Variants in ZC3H18 observed in about 807,000 individuals in gnomAD.
The protein encoded by ZC3H18 is zinc finger CCCH domain-containing protein 18.
ZC3H18 carries 8 observed loss-of-function variants against 106.1 expected under a neutral mutation model. The ratio of observed to expected loss-of-function variants is 0.08; its 90% CI spans 0.04 to 0.14. The LOEUF (loss-of-function observed/expected upper bound fraction) is 0.14. Ranked by LOEUF, ZC3H18 falls within the 10% of genes least tolerant of loss-of-function variation. The pLI, the probability that ZC3H18 is intolerant of heterozygous loss-of-function variation, is 1.00. For synonymous variants in ZC3H18, 635 were observed against 522.1 expected (o/e 1.22, Z -2.95); for missense variants, 1,318 against 1,278.4 (o/e 1.03, Z -0.47).
intron 1 of ZC3H18, among the ~76,000 whole-genome samples, chr16:88,574,598 G>T (rs916802898): frequency 6.6e-6 from 1 of 150,590 alleles, no homozygotes; most frequent in Non-Finnish European, 1.5e-5. Flanking sequence ...AACCTCCTAG[G>T]ATCAGGTGAT....
chr16:88,590,564 CT>C (rs57632461), intron 3 of ZC3H18, among the ~76,000 whole-genome samples: 28 of 100,650 alleles, frequency 2.8e-4, no homozygotes, highest in East Asian at 1.9e-3. Context: ...TTCTTTATTT[CT>C]TTTTTTTTTT....
intron 6 of ZC3H18, among the ~76,000 whole-genome samples, chr16:88,605,793 C>T (rs1297469479): frequency 2.0e-5 from 3 of 152,220 alleles, no homozygotes; most frequent in Admixed American, 2.0e-4. Context: ...TCTAATTGCT[C>T]GACTTTTCAC....
intron 8 of ZC3H18, among the ~76,000 whole-genome samples, chr16:88,614,293 G>T (rs1366790736): frequency 6.6e-6 from 1 of 152,256 alleles, no homozygotes; most frequent in Non-Finnish European, 1.5e-5. Flanking sequence ...GCAGCCATCA[G>T]GACCTGCGAC....
intron 1 of ZC3H18, among the ~76,000 whole-genome samples, chr16:88,572,349 G>T (rs953126760): frequency 2.6e-5 from 4 of 152,190 alleles, no homozygotes; most frequent in Admixed American, 2.6e-4. Flanking sequence ...TGTTGCCCAG[G>T]CTGGAGTGCA....
At chr16:88,582,219 C>CTTT (rs71391393) in intron 2 of ZC3H18, among the ~76,000 whole-genome samples, 23,769 of 76,824 alleles carry the variant, frequency 0.31, 4,943 homozygotes, top group East Asian at 0.42. Context: ...TTTTTCTTTT[C>CTTT]TTTTTTTTTT....
chr16:88,612,029 G>A (rs750730395), intron 8 of ZC3H18, among the ~76,000 whole-genome samples: 5 of 152,112 alleles, frequency 3.3e-5, no homozygotes, highest in South Asian at 2.1e-4. Flanking sequence ...GGGGAGGGCC[G>A]GGCGGGCTGC....
chr16:88,574,886 A>G (rs1206849145), intron 1 of ZC3H18, among the ~76,000 whole-genome samples: 2 of 147,836 alleles, frequency 1.4e-5, no homozygotes, highest in East Asian at 2.0e-4. Flanking sequence ...CTGGAGTGCA[A>G]TGGCGCGATC....
chr16:88,599,876 G>A lies in ZC3H18; in HGVS notation c.1016G>A (p.Arg339Gln), dbSNP rs758531569. The stretch of plus-strand genomic sequence containing the variant: ...ACGGTGACCATTGGCGAAGACGAAC[G>A]GGAATTTGACAAAGAAAATGAAGTT... The part of the protein sequence containing the change: ...RFTVTIGEDE[R>Q]EFDKENEVFR... Residue 339 changes from arginine to glutamine, a missense_variant, in exon 6 of 18, where the codon CGG (arginine) becomes CAG (glutamine). Physicochemically the swap from Arg to Gln is conservative, Grantham distance 43. Around this residue, in one of 6 missense-constraint regions of ZC3H18, gnomAD observed 848 missense variants for 821.7 expected, o/e 1.03. Transcript: ENST00000301011. 40 of 1,614,120 alleles carry A rather than the reference G, an allele frequency of 2.5e-5. No individual in the cohort carries two copies. Among genetic ancestry groups the A allele is most frequent in the Admixed American group, 6.7e-5 (4 of 60,008 alleles).
chr16:88,619,442 G>C (rs1380602457), intron 8 of ZC3H18, among the ~76,000 whole-genome samples: 1 of 152,158 alleles, frequency 6.6e-6, no homozygotes, highest in African/African-American at 2.4e-5. Context: ...AGCGGAGGGC[G>C]CGCTGTGCAG....
intron 6 of ZC3H18, among the ~76,000 whole-genome samples, chr16:88,605,180 G>A (rs1445784802): frequency 6.6e-6 from 1 of 152,232 alleles, no homozygotes; most frequent in Non-Finnish European, 1.5e-5. Flanking sequence ...CTGTGGGGAA[G>A]CCCCCTGAGT....
intron 6 of ZC3H18, among the ~76,000 whole-genome samples, chr16:88,607,188 C>G (rs976438004): frequency 1.3e-5 from 2 of 152,210 alleles, no homozygotes; most frequent in African/African-American, 4.8e-5. Context: ...TGCCACCTCT[C>G]TGGGCGTGCC....
At chr16:88,596,084 G>T (rs1199549071) in intron 3 of ZC3H18, among the ~76,000 whole-genome samples, 1 of 152,108 alleles carries the variant, frequency 6.6e-6, no homozygotes, top group Non-Finnish European at 1.5e-5. Context: ...AGCACCCCCG[G>T]GCAGGTGGCT....
intron 1 of ZC3H18, among the ~76,000 whole-genome samples, chr16:88,575,234 G>A (rs1597316147): frequency 6.6e-6 from 1 of 152,004 alleles, no homozygotes; most frequent in South Asian, 2.1e-4. Flanking sequence ...TAAACAGGTT[G>A]TATTAAAAGT....
At chr16:88,606,664 A>G (rs1905024684) in intron 6 of ZC3H18, among the ~76,000 whole-genome samples, 1 of 152,178 alleles carries the variant, frequency 6.6e-6, no homozygotes, top group South Asian at 2.1e-4. Context: ...CGTGCTGTCC[A>G]GGCTTCCTCT....
chr16:88,611,840 G>A (rs1044159558), intron 8 of ZC3H18, among the ~76,000 whole-genome samples: 1 of 152,212 alleles, frequency 6.6e-6, no homozygotes, highest in African/African-American at 2.4e-5. Flanking sequence ...GTTTTAATAG[G>A]CGCTGCCCTT....
chr16:88,603,202 G>A (rs1011791288), intron 6 of ZC3H18, among the ~76,000 whole-genome samples: 3 of 151,950 alleles, frequency 2.0e-5, no homozygotes, highest in Non-Finnish European at 1.5e-5. Flanking sequence ...TCTTGACCTC[G>A]TGATCTGCCT....
At chr16:88,614,585 A>G (rs1460502667) in intron 8 of ZC3H18, among the ~76,000 whole-genome samples, 1 of 152,238 alleles carries the variant, frequency 6.6e-6, no homozygotes, top group African/African-American at 2.4e-5. Flanking sequence ...TGTATTTGTC[A>G]TACTTTCCTA....
chr16:88,573,871 C>T (rs189707360), intron 1 of ZC3H18, among the ~76,000 whole-genome samples: 1 of 151,906 alleles, frequency 6.6e-6, no homozygotes, highest in African/African-American at 2.4e-5. Flanking sequence ...TATTGCTAAC[C>T]ATTTAGGTTT....
chr16:88,587,100 C>T (rs1420276176), intron 3 of ZC3H18, among the ~76,000 whole-genome samples: 1 of 152,194 alleles, frequency 6.6e-6, no homozygotes, highest in African/African-American at 2.4e-5. Flanking sequence ...CAAGATGTGT[C>T]CGAAGCGTTT....
Sources: allele counts gnomAD v4.1 joint callset (sites outside exome capture counted in the v4.1 genomes callset), GRCh38; gene constraint gnomAD v4.1.1; regional missense constraint gnomAD v4.1.1; transcripts MANE v1.5; gene names NCBI Gene and HGNC (gene_info 2026-07-23, HGNC 2026-07-21).